The following MDGA2 variants were observed in gnomAD, a reference collection of about 807,000 sequenced individuals.
MDGA2 encodes the protein MAM domain containing glycosylphosphatidylinositol anchor 2, also known as MAM domain-containing glycosylphosphatidylinositol anchor protein 2.
Under a neutral mutation model 117.8 loss-of-function variants are expected in MDGA2, and 40 were observed. That is an observed-to-expected ratio of 0.34 (90% CI 0.26 to 0.44). MDGA2 has a LOEUF of 0.44. Ranked by LOEUF, MDGA2 falls within the 20% of genes least tolerant of loss-of-function variation. The pLI is 1.00. For synonymous variants in MDGA2, 452 were observed against 439.0 expected (o/e 1.03, Z -0.37); for missense variants, 1,123 against 1,250.6 (o/e 0.90, Z 1.54).
chr14:46,917,376 A>G (rs1339689146), intron 10 of MDGA2, among the ~76,000 whole-genome samples: 1 of 152,218 alleles, frequency 6.6e-6, no homozygotes, highest in Non-Finnish European at 1.5e-5. Context: ...GCCCTGCACA[A>G]GAGTACCTGG....
chr14:47,503,312 A>T (rs1594889925), intron 1 of MDGA2, among the ~76,000 whole-genome samples: 2 of 71,936 alleles, frequency 2.8e-5, no homozygotes, highest in East Asian at 1.2e-3. Context: ...AGGTATCATA[A>T]AAAAAAAAAG....
intron 1 of MDGA2, among the ~76,000 whole-genome samples, chr14:47,601,889 T>G (rs1383045827): frequency 2.0e-5 from 3 of 152,144 alleles, no homozygotes; most frequent in Admixed American, 1.3e-4. Flanking sequence ...GGAAATCTAT[T>G]GAATCCATAA....
intron 1 of MDGA2, among the ~76,000 whole-genome samples, chr14:47,334,278 T>A (rs925045370): frequency 6.6e-6 from 1 of 151,908 alleles, no homozygotes; most frequent in African/African-American, 2.4e-5. Context: ...CTCACCACAA[T>A]GAAACACAAT....
chr14:46,971,106 C>G (rs1010373480), intron 8 of MDGA2, among the ~76,000 whole-genome samples: 1 of 152,066 alleles, frequency 6.6e-6, no homozygotes, highest in Non-Finnish European at 1.5e-5. Context: ...AATTCATACA[C>G]TGCTAGTGGG....
chr14:47,303,230 T>C (rs550015654), intron 1 of MDGA2, among the ~76,000 whole-genome samples: 43 of 152,276 alleles, frequency 2.8e-4, no homozygotes, highest in African/African-American at 1.0e-3. Flanking sequence ...GGGTATTATA[T>C]TCGTTGGCTA....
chr14:47,638,355 T>G (rs764623985), intron 1 of MDGA2, among the ~76,000 whole-genome samples: 2 of 152,130 alleles, frequency 1.3e-5, no homozygotes, highest in Non-Finnish European at 2.9e-5. Context: ...CAACAGTACC[T>G]AGAGTAATTT....
At chr14:46,899,522 G>GA (rs1291818857) in intron 10 of MDGA2, among the ~76,000 whole-genome samples, 1 of 151,610 alleles carries the variant, frequency 6.6e-6, no homozygotes, top group Non-Finnish European at 1.5e-5. Context: ...ATGGGCAAAA[G>GA]AATATGTGCT....
chr14:47,120,822 T>A (rs1881612042), intron 5 of MDGA2, among the ~76,000 whole-genome samples: 1 of 152,170 alleles, frequency 6.6e-6, no homozygotes. Flanking sequence ...ATCCCTACAA[T>A]ATGAACTACC....
intron 7 of MDGA2, chr14:47,058,811 T>C (rs867582618): frequency 2.0e-6 from 2 of 985,670 alleles, no homozygotes; most frequent in Middle Eastern, 5.2e-4. Context: ...TCTGTAGGCC[T>C]TCTATCACAA....
chr14:47,612,333 A>G (rs554506212), intron 1 of MDGA2, among the ~76,000 whole-genome samples: 1 of 152,262 alleles, frequency 6.6e-6, no homozygotes, highest in East Asian at 1.9e-4. Context: ...AGCTTATTCA[A>G]TAGAATTCAT....
intron 2 of MDGA2, among the ~76,000 whole-genome samples, chr14:47,282,207 T>TTTG (rs146848644): frequency 1.3e-5 from 2 of 152,118 alleles, no homozygotes; most frequent in Admixed American, 6.5e-5. Flanking sequence ...ATTCATTCTT[T>TTTG]TTGTTGTTGT....
rs536424133 is a variant in MDGA2 at position 47,583,541 on chromosome 14, T to A, written c.280+90976A>T. Reference sequence around the variant, plus strand: ...GTTGAGTTCTCTCAACCTTGAAAAATTGATAAATATCTTAACACCCAGCAA... The same window carrying A: ...GTTGAGTTCTCTCAACCTTGAAAAAATGATAAATATCTTAACACCCAGCAA... On this transcript the variant is annotated intron_variant, in intron 1 of 16. Transcript: ENST00000399232. Among the ~76,000 whole-genome samples, 4 of 151,988 alleles carry A rather than the reference T, an allele frequency of 2.6e-5. No homozygotes were observed. The South Asian group carries it at 8.3e-4, about 32-fold the overall frequency.
At chr14:47,620,247 C>T (rs1298748867) in intron 1 of MDGA2, among the ~76,000 whole-genome samples, 1 of 152,210 alleles carries the variant, frequency 6.6e-6, no homozygotes, top group African/African-American at 2.4e-5. Flanking sequence ...ACATTAATAA[C>T]TGAGTTTTTG....
chr14:47,055,002 C>CTTTTTTTTTTTTTTTTTTTTTTT (rs10640408), intron 7 of MDGA2, among the ~76,000 whole-genome samples: 3 of 125,674 alleles, frequency 2.4e-5, no homozygotes, highest in Non-Finnish European at 3.2e-5. Flanking sequence ...TTTTTCTTTT[C>CTTTTTTTTTTTTTTTTTTTTTTT]TTTTTTTTTT....
intron 1 of MDGA2, among the ~76,000 whole-genome samples, chr14:47,608,551 T>G (rs898327342): frequency 2.0e-5 from 3 of 152,126 alleles, no homozygotes; most frequent in African/African-American, 7.2e-5. Context: ...GAGCAGAAAG[T>G]CCAGGTGGCT....
At chr14:47,497,326 G>A (rs570001232) in intron 1 of MDGA2, among the ~76,000 whole-genome samples, 4 of 152,182 alleles carry the variant, frequency 2.6e-5, no homozygotes, top group African/African-American at 9.6e-5. Flanking sequence ...GCCCAATCTC[G>A]GCTCACTGCA....
chr14:46,886,896 C>T (rs181092412), intron 10 of MDGA2, among the ~76,000 whole-genome samples: 1 of 152,014 alleles, frequency 6.6e-6, no homozygotes, highest in South Asian at 2.1e-4. Context: ...ATTAGTGGTT[C>T]TCATATTTCT....
chr14:47,289,304 TACACACACAC>T (rs3039467), intron 2 of MDGA2, among the ~76,000 whole-genome samples: 182 of 140,616 alleles, frequency 1.3e-3, no homozygotes, highest in East Asian at 2.3e-3. Context: ...TTTCTGGACT[TACACACACAC>T]ACACACACAC....
At chr14:47,556,420 T>A (rs1023614562) in intron 1 of MDGA2, among the ~76,000 whole-genome samples, 14 of 152,214 alleles carry the variant, frequency 9.2e-5, no homozygotes, top group Admixed American at 6.5e-5. Flanking sequence ...GGAATGATCT[T>A]CTCAGAAATT....
Sources: allele counts gnomAD v4.1 joint callset (sites outside exome capture counted in the v4.1 genomes callset), GRCh38; gene constraint gnomAD v4.1.1; transcripts MANE v1.5; gene names NCBI Gene and HGNC (gene_info 2026-07-23, HGNC 2026-07-21).